The following LRPPRC variants were observed in gnomAD, a reference collection of about 807,000 sequenced individuals.
LRPPRC encodes leucine rich pentatricopeptide repeat containing.
Under a neutral mutation model 180.3 loss-of-function variants are expected in LRPPRC, and 120 were observed. The observed-to-expected ratio is 0.67, with a 90% CI of 0.57 to 0.77. The LOEUF (loss-of-function observed/expected upper bound fraction) is 0.77, where lower values mean the gene tolerates loss of function less well. Among genes scored for constraint, LRPPRC ranks in the 30% least tolerant of loss-of-function variants. LRPPRC has a pLI of 0.00. For missense variants in LRPPRC, 2,012 were observed against 1,657.2 expected, an observed-to-expected ratio of 1.21 and a Z score of -3.72; for synonymous variants, 723 against 600.0, an observed-to-expected ratio of 1.21 and a Z score of -3.00.
At chr2:43,962,203 G>C (rs1266984152) in intron 12 of LRPPRC, among the ~76,000 whole-genome samples, 1 of 152,156 alleles carries the variant, frequency 6.6e-6, no homozygotes, top group African/African-American at 2.4e-5. Context: ...TGATCTGGGG[G>C]CTGTATTTCT....
chr2:43,962,348 G>A (rs12712902), intron 12 of LRPPRC, among the ~76,000 whole-genome samples: 62,468 of 152,016 alleles, frequency 0.41, 13,589 homozygotes, highest in Non-Finnish European at 0.49. Flanking sequence ...TGAAGACACT[G>A]AAGATATAAA....
intron 23 of LRPPRC, among the ~76,000 whole-genome samples, chr2:43,943,306 G>A (rs1169283758): frequency 6.6e-6 from 1 of 152,002 alleles, no homozygotes; most frequent in Non-Finnish European, 1.5e-5. Flanking sequence ...GTGAAGAAAA[G>A]GAGCACTGAA....
rs776310538 is a variant in LRPPRC at position 43,995,789 on chromosome 2, G to C, written c.149+10C>G. 7.3e-7 allele frequency: 1 copy of C among 1,379,060 alleles called. No homozygotes were observed. Among genetic ancestry groups the C allele is most frequent in the South Asian group, 1.7e-5 (1 of 58,732 alleles). The allele number at this position is 1,379,060 out of a possible 1,614,324, so 85.4% of individuals were successfully genotyped here. ...CGCAGCTTGCCTGGAGAAAGGGCCTGGGCACTCACCCGGCCACGGGCCCGG... is the reference window on the plus strand; with the variant it reads ...CGCAGCTTGCCTGGAGAAAGGGCCTCGGCACTCACCCGGCCACGGGCCCGG... On this transcript the variant is annotated intron_variant, in intron 1 of 37. Coordinates refer to ENST00000260665, the MANE Select transcript of LRPPRC (RefSeq NM_133259.4).
At chr2:43,980,439 G>T (rs1382798442) in intron 2 of LRPPRC, among the ~76,000 whole-genome samples, 1 of 151,740 alleles carries the variant, frequency 6.6e-6, no homozygotes, top group Non-Finnish European at 1.5e-5. Flanking sequence ...TGTAATTCTA[G>T]CTACTCGGGA....
intron 34 of LRPPRC, among the ~76,000 whole-genome samples, chr2:43,897,014 A>C (rs1670711436): frequency 6.6e-6 from 1 of 152,228 alleles, no homozygotes; most frequent in African/African-American, 2.4e-5. Context: ...AAGAGGAAAA[A>C]AAGAAACATT....
chr2:43,897,808 C>G (rs1670738777), intron 34 of LRPPRC, among the ~76,000 whole-genome samples: 1 of 152,036 alleles, frequency 6.6e-6, no homozygotes, highest in African/African-American at 2.4e-5. Flanking sequence ...TTGATTATGG[C>G]AGAGAACAAG....
chr2:43,899,005 C>G (rs1208955079), intron 34 of LRPPRC, among the ~76,000 whole-genome samples: 2 of 152,192 alleles, frequency 1.3e-5, no homozygotes, highest in Non-Finnish European at 2.9e-5. Flanking sequence ...ATTCTAAAGA[C>G]ATTTCTAGTT....
chr2:43,989,588 G>T (rs2103772761), intron 1 of LRPPRC, among the ~76,000 whole-genome samples: 1 of 152,214 alleles, frequency 6.6e-6, no homozygotes, highest in South Asian at 2.1e-4. Flanking sequence ...ATCATATATT[G>T]CCTTTTAAAA....
At position 43,976,689 on chromosome 2, in the gene LRPPRC, C is replaced by T. The variant is rs112873162; in HGVS notation, c.650+305G>A. On this transcript the variant is annotated intron_variant, in intron 5 of 37. Transcript: ENST00000260665. ...TGAATACAGCTTAAATGGTTAAGAA[C>T]ATTTCCCTTAGGAAATATTTAAAAA... Among the ~76,000 whole-genome samples the T allele has an allele frequency of 1.4e-3, 203 of 145,736 alleles. No individual in the cohort carries two copies. In the Middle Eastern group the frequency reaches 0.035, roughly 25 times the overall value.
chr2:43,909,325 C>T (rs563385163), intron 30 of LRPPRC, among the ~76,000 whole-genome samples: 93 of 151,604 alleles, frequency 6.1e-4, no homozygotes, highest in South Asian at 4.6e-3. Flanking sequence ...TAGACACAGA[C>T]GCACGGAGGA....
rs577038292 is a variant in LRPPRC at position 43,964,724 on chromosome 2, A to G, written c.1370-1018T>C. 3.3e-4 allele frequency among the ~76,000 whole-genome samples: 51 copies of G among 152,312 alleles called. 1 individual carries two copies. Among genetic ancestry groups the G allele is most frequent in the African/African-American group, 1.2e-3 (51 of 41,572 alleles). On this transcript the variant is annotated intron_variant, in intron 11 of 37. Transcript: ENST00000260665. ...AAAAAAAACTATAATTTTTTTTAAA[A>G]TTTAGGTTATGAATCAGAATATTTT...
At chr2:43,943,081 G>A (rs563240635) in intron 23 of LRPPRC, among the ~76,000 whole-genome samples, 165 of 152,070 alleles carry the variant, frequency 1.1e-3, no homozygotes, top group African/African-American at 3.8e-3. Context: ...GATAAATTAC[G>A]CTTAGTCATC....
At chr2:43,902,580 T>C (rs1330451010) in intron 31 of LRPPRC, 1 of 152,170 alleles carries the variant, frequency 6.6e-6, no homozygotes, top group Admixed American at 6.5e-5. Context: ...AATTTATGAT[T>C]ATTTGAAATC....
At chr2:43,975,841 C>T (rs968132006) in intron 6 of LRPPRC, among the ~76,000 whole-genome samples, 5 of 152,116 alleles carry the variant, frequency 3.3e-5, no homozygotes, top group Non-Finnish European at 1.5e-5. Flanking sequence ...CCTCAGCCTC[C>T]CAAAGTGCTG....
At chr2:43,909,394 T>G (rs566196494) in intron 30 of LRPPRC, among the ~76,000 whole-genome samples, 29 of 152,176 alleles carry the variant, frequency 1.9e-4, no homozygotes, top group Admixed American at 5.2e-4. Flanking sequence ...CTCACTTGTA[T>G]GTCAAACTCA....
chr2:43,894,529 ATTAAAC>A lies in LRPPRC; in HGVS notation c.3985+10_3985+15del. 1 of 1,209,156 alleles carries A rather than the reference ATTAAAC, an allele frequency of 8.3e-7. No homozygotes were observed. Among genetic ancestry groups the A allele is most frequent in the Non-Finnish European group, 1.2e-6 (1 of 811,768 alleles). The allele number at this position is 1,209,156 out of a possible 1,614,324, so 74.9% of individuals were successfully genotyped here. A position where few individuals can be genotyped will look rare whatever the true frequency, so the allele number is the denominator to read the frequency against. On this transcript the variant is annotated intron_variant, in intron 36 of 37. Coordinates refer to ENST00000260665, the MANE Select transcript of LRPPRC (RefSeq NM_133259.4). ...CCATTTAAATAAATAATATAGTCAA[ATTAAAC>A]TTATATTACCATAGCTTTTCATGAG... is the stretch of plus-strand genomic sequence containing the variant.
intron 36 of LRPPRC, chr2:43,890,472 G>C (rs1670449021): frequency 2.8e-6 from 1 of 358,204 alleles, no homozygotes; most frequent in Non-Finnish European, 5.8e-6. Context: ...CCAGCACTTT[G>C]GGAGGCCGAG....
upstream of LRPPRC, among the ~76,000 whole-genome samples, chr2:43,996,236 T>C (rs191978375): frequency 5.4e-4 from 82 of 152,310 alleles, 1 homozygote; most frequent in East Asian, 0.012. Flanking sequence ...CCTGCACTCC[T>C]CTGTTGGTAG....
At chr2:43,966,892 A>G (rs1673584729) in intron 11 of LRPPRC, among the ~76,000 whole-genome samples, 1 of 151,798 alleles carries the variant, frequency 6.6e-6, no homozygotes, top group Admixed American at 6.6e-5. Context: ...CTCTACTAAA[A>G]ATATAAAAAT....
Sources: allele counts gnomAD v4.1 joint callset (sites outside exome capture counted in the v4.1 genomes callset), GRCh38; gene constraint gnomAD v4.1.1; transcripts MANE v1.5; gene names NCBI Gene and HGNC (gene_info 2026-07-23, HGNC 2026-07-21).